ADAMTSL2: variants seen among roughly 807,000 people sequenced by gnomAD.
ADAMTSL2 encodes ADAMTS like 2, also known as ADAMTS-like protein 2.
In ADAMTSL2, 55 loss-of-function variants were observed where a neutral mutation model predicts 117.0. The ratio of observed to expected loss-of-function variants is 0.47; its 90% CI spans 0.38 to 0.59. ADAMTSL2 has a LOEUF of 0.59. Ranked by LOEUF, ADAMTSL2 falls within the 20% of genes least tolerant of loss-of-function variation. The pLI is 0.00. For missense variants in ADAMTSL2, 1,182 were observed against 1,354.5 expected (o/e 0.87, Z 2.00); for synonymous variants, 572 against 566.4 (o/e 1.01, Z -0.14).
intron 9 of ADAMTSL2, among the ~76,000 whole-genome samples, chr9:133,552,554 A>G (rs1239515376): frequency 6.6e-6 from 1 of 152,244 alleles, no homozygotes; most frequent in Non-Finnish European, 1.5e-5. Flanking sequence ...CCCCAGGGGA[A>G]TGAAATAGTT....
chr9:133,535,001 C>A, intron 1 of ADAMTSL2, 84 bp downstream of exon 1: 1 of 1,309,372 alleles, frequency 7.6e-7, no homozygotes, highest in Non-Finnish European at 9.7e-7. Flanking sequence ...GGGGTAGGAG[C>A]ACCCCGCGCC....
intron 12 of ADAMTSL2, among the ~76,000 whole-genome samples, chr9:133,565,659 C>T (rs751708190): frequency 1.3e-5 from 2 of 152,248 alleles, no homozygotes; most frequent in Non-Finnish European, 2.9e-5. Flanking sequence ...CAGGCTGTTT[C>T]GTTCCATCCA....
chr9:133,562,080 G>A (rs1830742366), intron 12 of ADAMTSL2, among the ~76,000 whole-genome samples: 2 of 152,236 alleles, frequency 1.3e-5, no homozygotes, highest in African/African-American at 4.8e-5. Context: ...ATACCCAGCT[G>A]GCCCTCAAAA....
Position 133,569,428 on chromosome 9 carries a change from A to G in ADAMTSL2, c.2265A>G (p.Gln755=). ...DWGPCSGSCG[Q]GRTIRHVYCK... ...TGCAGTGCAGTGGAAGCTGCGGGCAAGGCCGCACCATCAGGCACGTGTACT... is the reference window on the plus strand; with the variant it reads ...TGCAGTGCAGTGGAAGCTGCGGGCAGGGCCGCACCATCAGGCACGTGTACT... The change falls in exon 16 of 19, where the codon CAA becomes CAG. Residue 755 remains glutamine, a synonymous_variant. Transcript: ENST00000651351. 1 of 1,613,486 alleles carries G rather than the reference A, an allele frequency of 6.2e-7. No individual in the cohort carries two copies. Among genetic ancestry groups the G allele is most frequent in the Non-Finnish European group, 8.5e-7 (1 of 1,180,028 alleles).
rs113563197 is a variant in ADAMTSL2 at position 133,570,584 on chromosome 9, C to G, written c.2592+77C>G. On this transcript the variant is annotated intron_variant, in intron 17 of 18. Coordinates refer to ENST00000651351, the MANE Select transcript of ADAMTSL2 (RefSeq NM_014694.4). ...CGATCCCGCCCCTCCCGCCTCAAGC[C>G]TCCTTAAGTGCTTCCTGCTCCTCCC... 2.6e-3 allele frequency: 3,908 copies of G among 1,486,008 alleles called. 78 individuals are homozygous for G. In the African/African-American group the frequency reaches 0.049, roughly 19 times the overall value. 92.1% of individuals were successfully genotyped at this position (1,486,008 alleles called of 1,614,324 possible). A position where few individuals can be genotyped will look rare whatever the true frequency, so the allele number is the denominator to read the frequency against.
Position 133,570,373 on chromosome 9 carries a change from C to A in ADAMTSL2, c.2458C>A (p.Leu820Ile). 1 of 1,557,310 alleles carries A rather than the reference C, an allele frequency of 6.4e-7. No individual in the cohort carries two copies. Among genetic ancestry groups the A allele is most frequent in the Non-Finnish European group, 8.7e-7 (1 of 1,152,396 alleles). The change falls in exon 17 of 19, where the codon CTC becomes ATC. Residue 820 changes from leucine (L) to isoleucine (I), a missense_variant. Leu to Ile is a conservative substitution (Grantham distance 5, BLOSUM62 2). Transcript: ENST00000651351. The part of the protein sequence containing the change: ...CGRGVKKRLV[L>I]CMELANGKPQ... ...GCGCGGGGTCAAGAAGCGGCTGGTG[C>A]TCTGCATGGAGCTGGCCAACGGGAA...
At chr9:133,547,306 C>A in intron 9 of ADAMTSL2, 93 bp downstream of exon 9, 1 of 1,325,664 alleles carries the variant, frequency 7.5e-7, no homozygotes. Context: ...CCCGTGACGC[C>A]CCCAGGGCCA....
chr9:133,544,998 A>G (rs1405465054), intron 8 of ADAMTSL2, among the ~76,000 whole-genome samples: 3 of 152,148 alleles, frequency 2.0e-5, no homozygotes, highest in Non-Finnish European at 4.4e-5. Context: ...TGTTCTTGCC[A>G]TTAGTCAGAC....
chr9:133,547,227 AG>A lies in ADAMTSL2; in HGVS notation c.939+16del, dbSNP rs755230179. On this transcript the variant is annotated intron_variant, in intron 9 of 18. Transcript: ENST00000651351. Reference sequence around the variant, plus strand: ...CTGAATGTCATGGTACGTGTGCCGCAGGCCTTGGGGGCCCCAGGGGCCCTGG... The same window carrying A: ...CTGAATGTCATGGTACGTGTGCCGCAGCCTTGGGGGCCCCAGGGGCCCTGG... 7.5e-6 allele frequency: 12 copies of A among 1,608,942 alleles called. No individual in the cohort carries two copies. The East Asian group carries it at 2.5e-4, about 33-fold the overall frequency.
In ADAMTSL2 at chr9:133,563,065, TG is replaced by T. The variant is rs1265194861; in HGVS notation, c.1747+1773del. Among the ~76,000 whole-genome samples, 12 of 152,352 alleles carry T rather than the reference TG, an allele frequency of 7.9e-5. No individual in the cohort carries two copies. In the East Asian group the frequency reaches 2.3e-3, roughly 29 times the overall value. ...GCCTGGTTGACCACACCATGGGCCCTGGGCAAATTGCCAAAGCCTTCCGAGC... is the reference window on the plus strand; with the variant it reads ...GCCTGGTTGACCACACCATGGGCCCTGGCAAATTGCCAAAGCCTTCCGAGC... On this transcript the variant is annotated intron_variant, in intron 12 of 18. Transcript: ENST00000651351.
rs758219925 is a variant in ADAMTSL2, at chr9:133,536,783, C to T, written c.71C>T (p.Thr24Ile). The change falls in exon 2 of 19, where the codon ACA (threonine) becomes ATA (isoleucine). Residue 24 changes from threonine (T) to isoleucine (I), a missense_variant. Coordinates refer to ENST00000651351, the MANE Select transcript of ADAMTSL2 (RefSeq NM_014694.4). ...LLVLAVVAGD[T>I]VSTGSTDNSP... ...GTTCTGGCAGTTGTAGCTGGGGACA[C>T]AGTGTCAACCGGGTCCACGGTGAGT... 1 of 1,614,158 alleles carries T rather than the reference C, an allele frequency of 6.2e-7. No homozygotes were observed. Among genetic ancestry groups the T allele is most frequent in the South Asian group, 1.1e-5 (1 of 91,082 alleles).
rs1044748501 is a variant in ADAMTSL2 at position 133,554,195 on chromosome 9, A to G, written c.940-162A>G. On this transcript the variant is annotated intron_variant, in intron 9 of 18. Coordinates refer to ENST00000651351, the MANE Select transcript of ADAMTSL2 (RefSeq NM_014694.4). This position sits in a 1 kb window ranked among gnomAD's most constrained non-coding sequence, Gnocchi z 5.2. The stretch of plus-strand genomic sequence containing the variant: ...TCTTTGACTTGGATGCCCCTGGGGC[A>G]GGAGCACTGCGTTGGGCTGGGCTAG... Among the ~76,000 whole-genome samples, 3 of 152,182 alleles carry G rather than the reference A, an allele frequency of 2.0e-5. No homozygotes were observed. Among genetic ancestry groups the G allele is most frequent in the African/African-American group, 7.2e-5 (3 of 41,442 alleles).
In ADAMTSL2 at chr9:133,566,851, G is replaced by A. The variant is rs1401093255; in HGVS notation, c.1748-85G>A. Reference sequence around the variant, plus strand: ...CCAGAAAGCTGAGCTGAGAGGTCAGGTGACTTGCCCCAAGTCCTGAGGCCT... The same window carrying A: ...CCAGAAAGCTGAGCTGAGAGGTCAGATGACTTGCCCCAAGTCCTGAGGCCT... On this transcript the variant is annotated intron_variant, in intron 12 of 18. Coordinates refer to ENST00000651351, the MANE Select transcript of ADAMTSL2 (RefSeq NM_014694.4). 7.8e-6 allele frequency: 12 copies of A among 1,534,420 alleles called. No homozygotes were observed. The East Asian group carries it at 2.7e-4, about 34-fold the overall frequency.
At chr9:133,539,645 G>A (rs1256774097) in intron 4 of ADAMTSL2, 126 bp from the exon 5 acceptor site, 19 of 76,926 alleles carry the variant, frequency 2.5e-4, no homozygotes, top group Non-Finnish European at 3.6e-4. Context: ...GTGGGCCGTG[G>A]CCCCCGCACG....
Position 133,536,780 on chromosome 9 carries a change from A to T in ADAMTSL2, c.68A>T (p.Asp23Val). Residue 23 changes from aspartate to valine, a missense_variant, in exon 2 of 19, where the codon GAC becomes GTC. Physicochemically the swap from Asp to Val is radical, Grantham distance 152 (BLOSUM62 -3). This residue lies in a region of ADAMTSL2 where 372 missense variants were observed against 463.4 expected (regional missense o/e 0.80). Transcript: ENST00000651351. ...CTGGTTCTGGCAGTTGTAGCTGGGG[A>T]CACAGTGTCAACCGGGTCCACGGTG... ...FLLVLAVVAG[D>V]TVSTGSTDNS... 1 of 1,614,082 alleles carries T rather than the reference A, an allele frequency of 6.2e-7. No homozygotes were observed. The highest frequency in any genetic ancestry group is 1.1e-5 in the South Asian group (1 of 91,076).
intron 11 of ADAMTSL2, among the ~76,000 whole-genome samples, 167 bp downstream of exon 11, chr9:133,556,097 C>T (rs1242858668): frequency 2.0e-5 from 3 of 152,310 alleles, no homozygotes; most frequent in Non-Finnish European, 4.4e-5. Flanking sequence ...CTCGCTGCCC[C>T]GTGGATCTGA....
chr9:133,570,198 AGTTT>A, intron 16 of ADAMTSL2, 129 bp from the exon 17 acceptor site: 1 of 982,272 alleles, frequency 1.0e-6, no homozygotes, highest in Non-Finnish European at 1.5e-6. Flanking sequence ...GTTTCCAGCC[AGTTT>A]GTTATGCACT....
In ADAMTSL2 at chr9:133,558,919, AAG is replaced by A. The variant is rs2131148796; in HGVS notation, c.1650-2276_1650-2275del. ...GCTATGCCCCACACGTGCTGCTGCG[AAG>A]AGTGTGTGGGCAGCCCCTCCAGAAA... is the stretch of plus-strand genomic sequence containing the variant. On this transcript the variant is annotated intron_variant, in intron 11 of 18. Coordinates refer to ENST00000651351, the MANE Select transcript of ADAMTSL2 (RefSeq NM_014694.4). This position sits in a 1 kb window ranked among gnomAD's most constrained non-coding sequence, Gnocchi z 4.3. 6.6e-6 allele frequency among the ~76,000 whole-genome samples: 1 copy of A among 152,342 alleles called. No individual in the cohort carries two copies. The highest frequency in any genetic ancestry group is 2.1e-4 in the South Asian group (1 of 4,828).
At chr9:133,548,319 G>A (rs1447622349) in intron 9 of ADAMTSL2, among the ~76,000 whole-genome samples, 6 of 152,214 alleles carry the variant, frequency 3.9e-5, no homozygotes, top group Non-Finnish European at 8.8e-5. Context: ...CTGCTTTTTG[G>A]CTGAAGAGCT....
Sources: gnomAD v4.1 joint callset for allele counts (sites outside exome capture counted in the v4.1 genomes callset) on GRCh38, gnomAD v4.1.1 for gene constraint, gnomAD v4.1.1 regional missense constraint, Gnocchi (gnomAD v3.1) non-coding constraint, MANE v1.5 for transcripts, NCBI Gene and HGNC (gene_info 2026-07-23, HGNC 2026-07-21) for gene names.